Variants in DTNA observed in about 807,000 individuals in gnomAD.
DTNA encodes the protein dystrophin-related protein 3.
A neutral mutation model predicts 100.7 loss-of-function variants in DTNA; 43 were observed. The ratio of observed to expected loss-of-function variants is 0.43; its 90% CI spans 0.33 to 0.55. DTNA has a LOEUF of 0.55. DTNA is among the 20% of genes least tolerant of loss of function. The pLI is 0.04. For missense variants in DTNA, 798 were observed against 953.9 expected (o/e 0.84, Z 2.15); for synonymous variants, 349 against 347.9 (o/e 1.00, Z -0.04).
At chr18:34,670,336 A>T (rs769320546) in intron 1 of DTNA, among the ~76,000 whole-genome samples, 5 of 151,978 alleles carry the variant, frequency 3.3e-5, no homozygotes, top group African/African-American at 1.2e-4. Flanking sequence ...ATCTTTTTTC[A>T]AGGTTTTTAA....
chr18:34,703,548 C>A (rs2081684990), intron 1 of DTNA, among the ~76,000 whole-genome samples: 2 of 152,082 alleles, frequency 1.3e-5, no homozygotes, highest in African/African-American at 4.8e-5. Flanking sequence ...CACTATGAGG[C>A]TCCAAACAGA....
intron 5 of DTNA, among the ~76,000 whole-genome samples, chr18:34,809,694 CTTA>C (rs2095443861): frequency 6.6e-6 from 1 of 152,112 alleles, no homozygotes; most frequent in African/African-American, 2.4e-5. Flanking sequence ...CAGCTACTCC[CTTA>C]TTGTTGGTGA....
At chr18:34,540,408 A>T (rs2044138241) in intron 1 of DTNA, among the ~76,000 whole-genome samples, 1 of 152,052 alleles carries the variant, frequency 6.6e-6, no homozygotes, top group Non-Finnish European at 1.5e-5. Flanking sequence ...CATATCATTT[A>T]TATGATTTTC....
At chr18:34,596,692 T>C (rs889624381) in intron 1 of DTNA, among the ~76,000 whole-genome samples, 4 of 152,218 alleles carry the variant, frequency 2.6e-5, no homozygotes, top group Non-Finnish European at 4.4e-5. Flanking sequence ...AGAGAACATA[T>C]CAAAGTTTGC....
chr18:34,521,987 G>A (rs2042192629), intron 1 of DTNA, among the ~76,000 whole-genome samples: 1 of 152,096 alleles, frequency 6.6e-6, no homozygotes, highest in Non-Finnish European at 1.5e-5. Flanking sequence ...ACAGAGCTGA[G>A]GTTCATTAAG....
intron 17 of DTNA, chr18:34,866,746 T>C: frequency 3.0e-6 from 3 of 989,568 alleles, no homozygotes; most frequent in South Asian, 9.4e-5. Flanking sequence ...ACGTCCCATC[T>C]TTTTGGCTCT....
chr18:34,522,439 C>T (rs2042232456), intron 1 of DTNA, among the ~76,000 whole-genome samples: 2 of 152,154 alleles, frequency 1.3e-5, no homozygotes, highest in Admixed American at 1.3e-4. Context: ...TGTGGGATGA[C>T]AAAATGCTCA....
At chr18:34,838,222 TG>T (rs2149712661) in intron 12 of DTNA, 51 bp downstream of exon 12, 1 of 1,591,186 alleles carries the variant, frequency 6.3e-7, no homozygotes, top group East Asian at 2.2e-5. Context: ...AAACTAAAAA[TG>T]GAGATTTCTT....
intron 1 of DTNA, among the ~76,000 whole-genome samples, chr18:34,578,936 A>G (rs2048366228): frequency 6.6e-6 from 1 of 151,926 alleles, no homozygotes; most frequent in African/African-American, 2.4e-5. Context: ...TTTGTATTCT[A>G]TTTGTCACAT....
chr18:34,531,542 TTTTG>T (rs1256469934), intron 1 of DTNA, among the ~76,000 whole-genome samples: 4 of 152,184 alleles, frequency 2.6e-5, no homozygotes, highest in African/African-American at 9.6e-5. Flanking sequence ...TCTGTTATCT[TTTTG>T]TTTATTAACT....
intron 1 of DTNA, among the ~76,000 whole-genome samples, chr18:34,723,531 AT>A: frequency 6.6e-6 from 1 of 152,222 alleles, no homozygotes; most frequent in Admixed American, 6.5e-5. Flanking sequence ...CCTAAATATA[AT>A]TTGTGCAAAA....
chr18:34,557,680 C>A (rs1393646150), intron 1 of DTNA, among the ~76,000 whole-genome samples: 1 of 151,806 alleles, frequency 6.6e-6, no homozygotes, highest in Non-Finnish European at 1.5e-5. Context: ...TTAGGCTGCT[C>A]GGGGGTCAGG....
intron 1 of DTNA, among the ~76,000 whole-genome samples, chr18:34,495,353 C>T (rs1170260745): frequency 2.0e-5 from 3 of 152,164 alleles, no homozygotes; most frequent in Non-Finnish European, 2.9e-5. Flanking sequence ...GCATGTCCTA[C>T]AATGATTAAA....
intron 1 of DTNA, among the ~76,000 whole-genome samples, chr18:34,658,301 G>A (rs1436957739): frequency 1.3e-5 from 2 of 152,158 alleles, no homozygotes; most frequent in Non-Finnish European, 2.9e-5. Flanking sequence ...TTCAGTAGCT[G>A]TTTAAACAGC....
chr18:34,730,831 C>T (rs879507035), intron 1 of DTNA, among the ~76,000 whole-genome samples: 2 of 152,186 alleles, frequency 1.3e-5, no homozygotes, highest in Non-Finnish European at 2.9e-5. Flanking sequence ...TGGTGACCAC[C>T]AAAGAGCTCA....
intron 1 of DTNA, among the ~76,000 whole-genome samples, chr18:34,673,781 T>A (rs561274230): frequency 9.2e-5 from 14 of 152,374 alleles, no homozygotes; most frequent in Non-Finnish European, 1.5e-4. Context: ...TTGTTCTCTC[T>A]GCTTTATCTT....
At chr18:34,867,802 T>A (rs563008836) in intron 17 of DTNA, 7 of 985,518 alleles carry the variant, frequency 7.1e-6, no homozygotes, top group Middle Eastern at 1.0e-3. Flanking sequence ...GTGGCGCCAC[T>A]GCCCCCTCAC....
intron 17 of DTNA, among the ~76,000 whole-genome samples, chr18:34,865,066 A>C (rs1299532145): frequency 6.6e-6 from 1 of 152,216 alleles, no homozygotes; most frequent in Non-Finnish European, 1.5e-5. Context: ...AACAAGCAAG[A>C]AGCAGTATGG....
intron 1 of DTNA, among the ~76,000 whole-genome samples, chr18:34,560,959 C>G (rs910852983): frequency 1.3e-5 from 2 of 151,996 alleles, no homozygotes; most frequent in Non-Finnish European, 2.9e-5. Context: ...TGATTTCTTT[C>G]CATTAAATAT....
Sources: allele counts gnomAD v4.1 joint callset (sites outside exome capture counted in the v4.1 genomes callset), GRCh38; gene constraint gnomAD v4.1.1; transcripts MANE v1.5; gene names NCBI Gene and HGNC (gene_info 2026-07-23, HGNC 2026-07-21).